The following LRP1B variants were observed in gnomAD, a reference collection of about 807,000 sequenced individuals.
LRP1B encodes LDL receptor related protein 1B.
In LRP1B, 217 loss-of-function variants were observed where a neutral mutation model predicts 556.6. The observed-to-expected ratio is 0.39, with a 90% confidence interval of 0.35 to 0.44. The LOEUF is 0.44. LRP1B is among the 20% of genes least tolerant of loss of function. The pLI is 1.00. For synonymous variants in LRP1B, 2,047 were observed against 1,865.8 expected (o/e 1.10, Z -2.50); for missense variants, 5,053 against 5,620.8 (o/e 0.90, Z 3.23).
chr2:142,115,612 A>T (rs1423069390), intron 1 of LRP1B, among the ~76,000 whole-genome samples: 19 of 26,420 alleles, frequency 7.2e-4, no homozygotes, highest in East Asian at 1.5e-3. Flanking sequence ...AATATATATT[A>T]TATATATGTA....
At chr2:141,468,217 A>T (rs939584007) in intron 3 of LRP1B, among the ~76,000 whole-genome samples, 7 of 152,256 alleles carry the variant, frequency 4.6e-5, no homozygotes, top group African/African-American at 1.7e-4. Context: ...AGATGGGTGG[A>T]ATACAACCCT....
chr2:141,130,717 T>C (rs1202574615), intron 7 of LRP1B, among the ~76,000 whole-genome samples: 1 of 152,046 alleles, frequency 6.6e-6, no homozygotes, highest in Non-Finnish European at 1.5e-5. Flanking sequence ...TAGTACACAA[T>C]GGTTGAACTA....
At chr2:141,730,288 C>T (rs1353348707) in intron 2 of LRP1B, among the ~76,000 whole-genome samples, 1 of 152,004 alleles carries the variant, frequency 6.6e-6, no homozygotes, top group East Asian at 1.9e-4. Flanking sequence ...GGTTTGGGCA[C>T]AGAATGTCAG....
At chr2:141,170,926 A>C (rs552089687) in intron 7 of LRP1B, among the ~76,000 whole-genome samples, 1 of 152,262 alleles carries the variant, frequency 6.6e-6, no homozygotes, top group South Asian at 2.1e-4. Context: ...TTCTGAAATT[A>C]GTCATCTGTT....
chr2:141,733,850 A>G (rs1461034755), intron 2 of LRP1B, among the ~76,000 whole-genome samples: 1 of 152,102 alleles, frequency 6.6e-6, no homozygotes, highest in African/African-American at 2.4e-5. Context: ...TCTTGAATAT[A>G]CCACTATAAG....
At chr2:141,400,994 C>T (rs1690431713) in intron 3 of LRP1B, among the ~76,000 whole-genome samples, 1 of 152,214 alleles carries the variant, frequency 6.6e-6, no homozygotes, top group East Asian at 1.9e-4. Flanking sequence ...ATTTCTGTAA[C>T]TTTGTTCATC....
Position 140,541,937 on chromosome 2 carries a change from C to A in LRP1B, c.7229G>T (p.Ser2410Ile). Residue 2410 changes from serine (S) to isoleucine (I), a missense_variant, in exon 44 of 91, where the codon AGT (serine) becomes ATT (isoleucine). Transcript: ENST00000389484. ...TATATAATTGTCATAAACAGCCAAA[C>A]TGAGGAAAGTCCCTGGCCCAGATTT... is the stretch of plus-strand genomic sequence containing the variant. ...IVKSGPGTFL[S>I]LAVYDNYIFW... 1 of 1,609,420 alleles carries A rather than the reference C, an allele frequency of 6.2e-7. No individual in the cohort carries two copies. The highest frequency in any genetic ancestry group is 1.7e-5 in the Admixed American group (1 of 59,794).
chr2:140,976,884 A>G (rs989362479), intron 18 of LRP1B, among the ~76,000 whole-genome samples: 1 of 152,154 alleles, frequency 6.6e-6, no homozygotes, highest in African/African-American at 2.4e-5. Context: ...ATTAGGTACT[A>G]CCAACTTACA....
At chr2:141,405,636 T>C (rs1434340870) in intron 3 of LRP1B, among the ~76,000 whole-genome samples, 3 of 152,088 alleles carry the variant, frequency 2.0e-5, no homozygotes, top group Non-Finnish European at 2.9e-5. Flanking sequence ...ACAGAGATAC[T>C]TATTTTAAAA....
intron 85 of LRP1B, among the ~76,000 whole-genome samples, chr2:140,272,542 T>C (rs1682509745): frequency 6.6e-6 from 1 of 151,970 alleles, no homozygotes; most frequent in Non-Finnish European, 1.5e-5. Flanking sequence ...GGCTGTGTAT[T>C]AGAAACACAA....
chr2:141,641,070 C>T (rs899663541), intron 2 of LRP1B, among the ~76,000 whole-genome samples: 1 of 152,154 alleles, frequency 6.6e-6, no homozygotes, highest in African/African-American at 2.4e-5. Flanking sequence ...AAACATTATA[C>T]ATGGAGGTAT....
chr2:140,969,046 C>G (rs1172823442), intron 18 of LRP1B, among the ~76,000 whole-genome samples: 3 of 152,084 alleles, frequency 2.0e-5, no homozygotes, highest in African/African-American at 7.2e-5. Flanking sequence ...TCTATTAGGT[C>G]CACTTGGTGC....
At chr2:140,253,144 T>A (rs1681527761) in intron 86 of LRP1B, among the ~76,000 whole-genome samples, 1 of 152,036 alleles carries the variant, frequency 6.6e-6, no homozygotes, top group Non-Finnish European at 1.5e-5. Flanking sequence ...TTGATTCAAC[T>A]CTATAATACA....
chr2:141,980,875 T>C (rs1280931540), intron 1 of LRP1B, among the ~76,000 whole-genome samples: 4 of 152,232 alleles, frequency 2.6e-5, no homozygotes, highest in Non-Finnish European at 1.5e-5. Context: ...ACATTTCACT[T>C]GTCTCTGAAC....
chr2:142,120,275 C>T (rs530899920), intron 1 of LRP1B, among the ~76,000 whole-genome samples: 1 of 152,210 alleles, frequency 6.6e-6, no homozygotes, highest in South Asian at 2.1e-4. Flanking sequence ...CTATGCCTGG[C>T]TAATTTTTGT....
At position 140,850,301 on chromosome 2, in the gene LRP1B, T is replaced by C. The variant is rs762394062; in HGVS notation, c.4740A>G (p.Arg1580=). 1.2e-6 allele frequency: 2 copies of C among 1,604,992 alleles called. No homozygotes were observed. The highest frequency in any genetic ancestry group is 1.1e-5 in the South Asian group (1 of 88,694). ...YEMKKFLLYA[R]RSEIRGVDID... is the part of the protein sequence containing the mutation. ...TATCCACTCCTCTGATTTCAGAACG[T>C]CTTGCATAAAGAAGAAATTTTTTCA... The change falls in exon 29 of 91, where the codon AGA becomes AGG. Residue 1580 remains arginine (R), a synonymous_variant. Transcript: ENST00000389484.
chr2:140,614,364 T>C, intron 41 of LRP1B, among the ~76,000 whole-genome samples: 1 of 152,110 alleles, frequency 6.6e-6, no homozygotes, highest in South Asian at 2.1e-4. Context: ...TAAGATTGTT[T>C]ATTAACTTTA....
At position 140,558,943 on chromosome 2, in the gene LRP1B, A is replaced by T. The variant is rs1450147518; in HGVS notation, c.7195-16972T>A. 3.5e-5 allele frequency among the ~76,000 whole-genome samples: 4 copies of T among 113,302 alleles called. No homozygotes were observed. The East Asian group carries it at 1.4e-3, about 39-fold the overall frequency. 74.3% of individuals were successfully genotyped at this position (113,302 alleles called of 152,430 possible). A position where few individuals can be genotyped will look rare whatever the true frequency, so the allele number is the denominator to read the frequency against. On this transcript the variant is annotated intron_variant, in intron 43 of 90. Coordinates refer to ENST00000389484, the MANE Select transcript of LRP1B (RefSeq NM_018557.3). Reference sequence around the variant, plus strand: ...AGAGCCAGACCCTGTCTCCAAAAGGAAAAAAAAAAAAAACAAACTTTAAAT... The same window carrying T: ...AGAGCCAGACCCTGTCTCCAAAAGGTAAAAAAAAAAAAACAAACTTTAAAT...
intron 35 of LRP1B, among the ~76,000 whole-genome samples, chr2:140,746,062 C>T (rs1365980679): frequency 6.6e-6 from 1 of 152,036 alleles, no homozygotes. Context: ...AGGCCTATGA[C>T]ATAGGGTGGT....
Sources: allele counts gnomAD v4.1 joint callset (sites outside exome capture counted in the v4.1 genomes callset), GRCh38; gene constraint gnomAD v4.1.1; transcripts MANE v1.5; gene names NCBI Gene and HGNC (gene_info 2026-07-23, HGNC 2026-07-21).